The following KTN1 variants were observed in gnomAD, a reference collection of about 807,000 sequenced individuals.
KTN1 encodes the protein kinectin 1.
In KTN1, 130 loss-of-function variants were observed where a neutral mutation model predicts 222.5. That is an observed-to-expected ratio of 0.58 (90% CI 0.51 to 0.68). The LOEUF (loss-of-function observed/expected upper bound fraction) is 0.68, where lower values mean the gene tolerates loss of function less well. Among genes scored for constraint, KTN1 ranks in the 30% least tolerant of loss-of-function variants. The pLI is 0.00. For missense variants in KTN1, 1,508 were observed against 1,500.4 expected (o/e 1.01, Z -0.08); for synonymous variants, 512 against 496.3 (o/e 1.03, Z -0.42).
At chr14:55,596,060 C>G (rs1404359767) in intron 1 of KTN1, among the ~76,000 whole-genome samples, 2 of 143,362 alleles carry the variant, frequency 1.4e-5, no homozygotes, top group African/African-American at 5.2e-5. Flanking sequence ...GAGGCTGAAG[C>G]AGGAGAATGG....
chr14:55,603,397 G>A (rs544144339), intron 1 of KTN1, among the ~76,000 whole-genome samples: 29 of 152,266 alleles, frequency 1.9e-4, no homozygotes, highest in South Asian at 1.7e-3. Context: ...CACCAGTAAC[G>A]TCTGTGTTGC....
intron 41 of KTN1, among the ~76,000 whole-genome samples, chr14:55,677,470 G>C (rs985247912): frequency 9.2e-5 from 11 of 119,852 alleles, no homozygotes; most frequent in African/African-American, 3.5e-4. Flanking sequence ...GAGAAAGACT[G>C]TCTAAAAAAA....
chr14:55,663,295 C>T (rs1595202667), intron 32 of KTN1: 1 of 176,452 alleles, frequency 5.7e-6, no homozygotes, highest in Non-Finnish European at 1.2e-5. Flanking sequence ...TGTTAAAATC[C>T]AGATCTCTCA....
In KTN1 at chr14:55,616,607, G is replaced by T. The variant is rs2038430189; in HGVS notation, c.614G>T (p.Gly205Val). The T allele has an allele frequency of 3.1e-6, 5 of 1,604,316 alleles. No homozygotes were observed. The highest frequency in any genetic ancestry group is 4.2e-6 in the Non-Finnish European group (5 of 1,177,544). ...PLHQETKQES[G>V]SGKKKASSKK... The stretch of plus-strand genomic sequence containing the variant: ...CACCAAGAGACTAAACAAGAAAGTG[G>T]ATCAGGGAAGAAGAAAGCTTCATCA... The change falls in exon 3 of 44, where the codon GGA (glycine) becomes GTA (valine). Residue 205 changes from glycine (G) to valine (V), a missense_variant. Coordinates refer to ENST00000395314, the MANE Select transcript of KTN1 (RefSeq NM_001079521.2).
At chr14:55,629,227 T>C (rs757239644) in intron 6 of KTN1, among the ~76,000 whole-genome samples, 2 of 151,888 alleles carry the variant, frequency 1.3e-5, no homozygotes, top group Non-Finnish European at 2.9e-5. Context: ...CCATCTTGGC[T>C]AACAGGGTGA....
At chr14:55,664,187 T>A in intron 33 of KTN1, 146 bp downstream of exon 33, 1 of 587,214 alleles carries the variant, frequency 1.7e-6, no homozygotes, top group South Asian at 2.5e-5. Context: ...TCTCTGCTTT[T>A]TTCATCTACT....
rs776907030 is a variant in KTN1, at chr14:55,640,469, G to T, written c.1983+27G>T. Reference sequence around the variant, plus strand: ...TAGATCTTTATTGCTTTTGAGCATTGATCTCAGAATTTCAATTTGCGTATT... The same window carrying T: ...TAGATCTTTATTGCTTTTGAGCATTTATCTCAGAATTTCAATTTGCGTATT... On this transcript the variant is annotated intron_variant, in intron 15 of 43. Transcript: ENST00000395314. The T allele has an allele frequency of 1.6e-5, 25 of 1,518,908 alleles. No individual in the cohort carries two copies. The African/African-American group carries it at 3.3e-4, about 20-fold the overall frequency. The allele number at this position is 1,518,908 out of a possible 1,614,324, so 94.1% of individuals were successfully genotyped here.
intron 34 of KTN1, chr14:55,667,850 G>C (rs1019180172): frequency 5.3e-5 from 8 of 151,576 alleles, no homozygotes; most frequent in African/African-American, 1.9e-4. Flanking sequence ...AATTATTTGA[G>C]GGCAGAGAAA....
chr14:55,667,357 C>A (rs1355995382), intron 34 of KTN1, 27 bp downstream of exon 34: 6 of 1,314,654 alleles, frequency 4.6e-6, no homozygotes, highest in Non-Finnish European at 6.5e-6. Context: ...ATTTTTTTAA[C>A]ATGATGACAT....
chr14:55,593,233 T>C (rs144364613), intron 1 of KTN1, among the ~76,000 whole-genome samples: 94 of 152,270 alleles, frequency 6.2e-4, no homozygotes, highest in Non-Finnish European at 1.0e-3. Context: ...TAAAAATCTT[T>C]GTCAGACCAT....
chr14:55,657,397 G>GT (rs35297700), intron 29 of KTN1, among the ~76,000 whole-genome samples: 1,691 of 137,586 alleles, frequency 0.012, 21 homozygotes, highest in South Asian at 0.067. Flanking sequence ...CTGAGTTGAC[G>GT]TTTTTTTTTT....
intron 1 of KTN1, among the ~76,000 whole-genome samples, chr14:55,598,403 C>G (rs1168035427): frequency 6.7e-6 from 1 of 149,990 alleles, no homozygotes; most frequent in African/African-American, 2.5e-5. Flanking sequence ...CCACTGCACT[C>G]CAGCCTCGGC....
rs2041650750 is a variant in KTN1, at chr14:55,640,375, A to T, written c.1916A>T (p.Asp639Val). 6.3e-7 allele frequency: 1 copy of T among 1,582,970 alleles called. No individual in the cohort carries two copies. The highest frequency in any genetic ancestry group is 1.1e-5 in the South Asian group (1 of 89,506). ...AAATGCTATTTTTCCTTGTTCTAGGATATACAGAATATGAATTTCTTATTA... is the reference window on the plus strand; with the variant it reads ...AAATGCTATTTTTCCTTGTTCTAGGTTATACAGAATATGAATTTCTTATTA... ...RLTSKEEELK[D>V]IQNMNFLLKA... Residue 639 changes from aspartate (D) to valine (V), a missense_variant and splice_region_variant, in exon 15 of 44, where the codon GAT (aspartate) becomes GTT (valine). Physicochemically the swap from Asp to Val is radical, Grantham distance 152. Coordinates refer to ENST00000395314, the MANE Select transcript of KTN1 (RefSeq NM_001079521.2).
intron 24 of KTN1, 160 bp from the exon 25 acceptor site, chr14:55,651,730 G>A: frequency 1.8e-6 from 1 of 551,870 alleles, no homozygotes. Flanking sequence ...TCCTGTTATT[G>A]GAGTCAAGAG....
chr14:55,587,508 C>G (rs2033249807), intron 1 of KTN1, among the ~76,000 whole-genome samples: 1 of 152,172 alleles, frequency 6.6e-6, no homozygotes, highest in African/African-American at 2.4e-5. Context: ...TGAAAACTCC[C>G]TAGTGTTCTG....
At chr14:55,628,387 A>C (rs1156680061) in intron 6 of KTN1, among the ~76,000 whole-genome samples, 1 of 152,078 alleles carries the variant, frequency 6.6e-6, no homozygotes, top group African/African-American at 2.4e-5. Context: ...TAAGTGTGAA[A>C]CTCTTAACAT....
At chr14:55,650,688 T>A (rs746053384) in intron 24 of KTN1, 51 bp downstream of exon 24, 13 of 1,351,642 alleles carry the variant, frequency 9.6e-6, no homozygotes, top group Non-Finnish European at 1.4e-5. Flanking sequence ...GTGTTATTTA[T>A]GAGCTATTTG....
intron 30 of KTN1, 33 bp from the exon 31 acceptor site, chr14:55,659,633 T>G: frequency 7.4e-7 from 1 of 1,351,906 alleles, no homozygotes; most frequent in Non-Finnish European, 1.1e-6. Context: ...CTGAAAAGTT[T>G]TGTTCTGAAA....
At chr14:55,597,111 GT>G (rs2035182175) in intron 1 of KTN1, among the ~76,000 whole-genome samples, 1 of 152,044 alleles carries the variant, frequency 6.6e-6, no homozygotes, top group Non-Finnish European at 1.5e-5. Context: ...CCTATATAAA[GT>G]TATTTATGTT....
Sources: allele counts gnomAD v4.1 joint callset (sites outside exome capture counted in the v4.1 genomes callset), GRCh38; gene constraint gnomAD v4.1.1; transcripts MANE v1.5; gene names NCBI Gene and HGNC (gene_info 2026-07-23, HGNC 2026-07-21).